The following LRP1B variants were observed in gnomAD, a reference collection of about 807,000 sequenced individuals.
LRP1B encodes LDL receptor related protein 1B, also known as low-density lipoprotein receptor-related protein 1B.
In LRP1B, 217 loss-of-function variants were observed where a neutral mutation model predicts 556.6. The observed-to-expected ratio is 0.39, with a 90% CI of 0.35 to 0.44. The LOEUF is 0.44. Among genes scored for constraint, LRP1B ranks in the 20% least tolerant of loss-of-function variants. The pLI is 1.00. For synonymous variants in LRP1B, 2,047 were observed against 1,865.8 expected (o/e 1.10, Z -2.50); for missense variants, 5,053 against 5,620.8 (o/e 0.90, Z 3.23).
chr2:141,942,804 G>A (rs1420829130), intron 1 of LRP1B, among the ~76,000 whole-genome samples: 1 of 152,148 alleles, frequency 6.6e-6, no homozygotes, highest in South Asian at 2.1e-4. Flanking sequence ...GTAAGCAGAC[G>A]AGGAGACCAT....
intron 41 of LRP1B, among the ~76,000 whole-genome samples, chr2:140,694,082 T>A (rs115355582): frequency 0.026 from 3,998 of 152,248 alleles, 60 homozygotes; most frequent in Middle Eastern, 0.058. Context: ...TTGCTTTTTT[T>A]AAAAAATATG....
intron 25 of LRP1B, among the ~76,000 whole-genome samples, chr2:140,880,195 A>T (rs1211506421): frequency 6.6e-6 from 1 of 152,144 alleles, no homozygotes; most frequent in Admixed American, 6.6e-5. Context: ...GACAAAGGAA[A>T]ACTAAATACT....
intron 1 of LRP1B, among the ~76,000 whole-genome samples, chr2:141,911,337 A>G (rs1699902960): frequency 6.6e-6 from 1 of 152,186 alleles, no homozygotes; most frequent in South Asian, 2.1e-4. Flanking sequence ...CTGCAATAAA[A>G]TTATCTTTCT....
intron 66 of LRP1B, among the ~76,000 whole-genome samples, chr2:140,393,962 C>T (rs16843902): frequency 0.024 from 3,631 of 152,174 alleles, 51 homozygotes; most frequent in African/African-American, 0.041. Flanking sequence ...CACTCCTCAA[C>T]GTCTCTTTTT....
chr2:140,327,625 A>G (rs1680558644), intron 79 of LRP1B, among the ~76,000 whole-genome samples: 1 of 145,454 alleles, frequency 6.9e-6, no homozygotes, highest in African/African-American at 2.5e-5. Flanking sequence ...AATGTGCTAC[A>G]ATAAAGAAGT....
At chr2:141,605,671 A>G (rs958290039) in intron 2 of LRP1B, among the ~76,000 whole-genome samples, 3 of 152,120 alleles carry the variant, frequency 2.0e-5, no homozygotes, top group African/African-American at 4.8e-5. Flanking sequence ...GGCCAAGCAC[A>G]TTTTCTGCTG....
At chr2:141,441,602 T>C (rs577361324) in intron 3 of LRP1B, among the ~76,000 whole-genome samples, 1 of 152,218 alleles carries the variant, frequency 6.6e-6, no homozygotes, top group Non-Finnish European at 1.5e-5. Context: ...GGAATTTCTG[T>C]TTAAAAATGT....
In LRP1B at chr2:140,989,612, C is replaced by T. The variant is rs763519057; in HGVS notation, c.2690G>A (p.Arg897His). The change falls in exon 17 of 91, where the codon CGC (arginine) becomes CAC (histidine). Residue 897 changes from arginine to histidine, a missense_variant. Coordinates refer to ENST00000389484, the MANE Select transcript of LRP1B (RefSeq NM_018557.3). Reference protein sequence around the residue: ...PDDQFKCQNNRCIPKRWLCDG... With the variant: ...PDDQFKCQNNHCIPKRWLCDG... Reference sequence around the variant, plus strand: ...ACAAAGCCATCTCTTGGGGATGCAGCGATTATTCTGGCATTTAAACTGATC... The same window carrying T: ...ACAAAGCCATCTCTTGGGGATGCAGTGATTATTCTGGCATTTAAACTGATC... 3.8e-5 allele frequency: 62 copies of T among 1,612,886 alleles called. No individual in the cohort carries two copies. Among genetic ancestry groups the T allele is most frequent in the Middle Eastern group, 1.6e-4 (1 of 6,076 alleles).
intron 1 of LRP1B, among the ~76,000 whole-genome samples, chr2:141,874,809 C>T (rs952495963): frequency 6.6e-6 from 1 of 151,862 alleles, no homozygotes; most frequent in African/African-American, 2.4e-5. Context: ...ATTAAAAAGA[C>T]ACTTTTAAGC....
At chr2:141,452,410 A>G (rs574904169) in intron 3 of LRP1B, among the ~76,000 whole-genome samples, 1 of 152,308 alleles carries the variant, frequency 6.6e-6, no homozygotes, top group East Asian at 1.9e-4. Flanking sequence ...TTGAAGAGAG[A>G]ATAGAATATA....
intron 1 of LRP1B, among the ~76,000 whole-genome samples, chr2:141,986,086 T>C (rs892182063): frequency 1.3e-5 from 2 of 151,984 alleles, no homozygotes; most frequent in African/African-American, 4.8e-5. Flanking sequence ...TAAATGTTCA[T>C]ATCTAAAATT....
At chr2:140,432,482 T>C (rs1312623959) in intron 66 of LRP1B, among the ~76,000 whole-genome samples, 1 of 152,232 alleles carries the variant, frequency 6.6e-6, no homozygotes, top group Non-Finnish European at 1.5e-5. Flanking sequence ...AGGTAGTTTC[T>C]TGTGCCTCTG....
chr2:141,914,890 T>G (rs1699991070), intron 1 of LRP1B, among the ~76,000 whole-genome samples: 1 of 152,164 alleles, frequency 6.6e-6, no homozygotes, highest in African/African-American at 2.4e-5. Flanking sequence ...TTCTCATGAA[T>G]TGGAAGAATC....
At chr2:141,342,026 C>T (rs1235383354) in intron 3 of LRP1B, among the ~76,000 whole-genome samples, 5 of 151,806 alleles carry the variant, frequency 3.3e-5, no homozygotes, top group South Asian at 2.1e-4. Context: ...GGGCGGATCA[C>T]GAGGTCAGGA....
At chr2:140,945,374 A>C (rs972068777) in intron 20 of LRP1B, among the ~76,000 whole-genome samples, 1 of 152,110 alleles carries the variant, frequency 6.6e-6, no homozygotes. Context: ...TCTAAAATTC[A>C]TATAGAAAAT....
chr2:140,690,429 A>G (rs916783010), intron 41 of LRP1B, among the ~76,000 whole-genome samples: 2 of 152,052 alleles, frequency 1.3e-5, no homozygotes, highest in Non-Finnish European at 2.9e-5. Context: ...GCAAAGATTA[A>G]CATCAAAGAA....
intron 41 of LRP1B, among the ~76,000 whole-genome samples, chr2:140,694,537 CTTAAT>C (rs1180524833): frequency 1.3e-5 from 2 of 152,104 alleles, no homozygotes; most frequent in Non-Finnish European, 2.9e-5. Flanking sequence ...CAATTGCTGA[CTTAAT>C]TTAATTATTC....
At chr2:140,785,260 T>C (rs1186197268) in intron 32 of LRP1B, among the ~76,000 whole-genome samples, 2 of 152,146 alleles carry the variant, frequency 1.3e-5, no homozygotes, top group African/African-American at 4.8e-5. Flanking sequence ...CACAAGCACC[T>C]TTCTCAGAAA....
At position 140,315,769 on chromosome 2, in the gene LRP1B, C is replaced by T. The variant is rs962043703; in HGVS notation, c.12641-670G>A. On this transcript the variant is annotated intron_variant, in intron 82 of 90. Transcript: ENST00000389484. ...TAGCATATGCACACACATACACACACTATTTGTTCTATAGCCTATGCGTGT... is the reference window on the plus strand; with the variant it reads ...TAGCATATGCACACACATACACACATTATTTGTTCTATAGCCTATGCGTGT... Among the ~76,000 whole-genome samples, 8 of 152,270 alleles carry T rather than the reference C, an allele frequency of 5.3e-5. No individual in the cohort carries two copies. The East Asian group carries it at 1.2e-3, about 22-fold the overall frequency.
Sources: allele counts gnomAD v4.1 joint callset (sites outside exome capture counted in the v4.1 genomes callset), GRCh38; gene constraint gnomAD v4.1.1; transcripts MANE v1.5; gene names NCBI Gene and HGNC (gene_info 2026-07-23, HGNC 2026-07-21).